GARS1: variants seen among roughly 807,000 people sequenced by gnomAD.
The protein encoded by GARS1 is glycine--tRNA ligase.
In GARS1, 46 loss-of-function variants were observed where a neutral mutation model predicts 86.4. The observed-to-expected ratio is 0.53, with a 90% confidence interval of 0.42 to 0.68. GARS1 has a LOEUF of 0.68. Among genes scored for constraint, GARS1 ranks in the 30% least tolerant of loss-of-function variants. The pLI is 0.00. For synonymous variants in GARS1, 342 were observed against 329.8 expected, an observed-to-expected ratio of 1.04 and a Z score of -0.40; for missense variants, 797 against 915.6, an observed-to-expected ratio of 0.87 and a Z score of 1.67.
chr7:30,611,641 C>T (rs1047546458), intron 7 of GARS1, among the ~76,000 whole-genome samples: 3 of 152,158 alleles, frequency 2.0e-5, no homozygotes, highest in Non-Finnish European at 4.4e-5. Flanking sequence ...TGTGCCACCA[C>T]GCCTGGCTAA....
At chr7:30,612,277 A>G (rs1782772363) in intron 8 of GARS1, 32 bp downstream of exon 8, 2 of 1,603,996 alleles carry the variant, frequency 1.2e-6, no homozygotes. Context: ...CAAATTAGTG[A>G]ATGACCTTGG....
chr7:30,594,785 C>T (rs1022351707), upstream of GARS1: 7 of 724,634 alleles, frequency 9.7e-6, no homozygotes, highest in East Asian at 1.7e-4. Context: ...GGCGACCCGG[C>T]GCCGCGTCAC....
intron 1 of GARS1, among the ~76,000 whole-genome samples, chr7:30,596,230 C>T (rs1791243368): frequency 6.6e-6 from 1 of 152,224 alleles, no homozygotes; most frequent in South Asian, 2.1e-4. Context: ...GCCGCAAATT[C>T]AGCCACTTTG....
chr7:30,632,031 C>G lies in GARS1; in HGVS notation c.1904-216C>G, dbSNP rs1468381975. ...GGCTCTTGGTCCCATATTTGTTCCC[C>G]CTATAGCTGTATCAGATGGAGGTAT... is the stretch of plus-strand genomic sequence containing the variant. On this transcript the variant is annotated intron_variant, in intron 15 of 16. Coordinates refer to ENST00000389266, the MANE Select transcript of GARS1 (RefSeq NM_002047.4). This position sits in a 1 kb window ranked among gnomAD's most constrained non-coding sequence, Gnocchi z 4.1. 3.5e-6 allele frequency: 2 copies of G among 569,752 alleles called. No homozygotes were observed. Among genetic ancestry groups the G allele is most frequent in the East Asian group, 6.4e-5 (2 of 31,118 alleles). The allele number at this position is 569,752 out of a possible 1,614,324, so 35.3% of individuals were successfully genotyped here.
At chr7:30,609,533 T>C (rs1341989435) in intron 6 of GARS1, 52 bp from the exon 7 acceptor site, 1 of 1,481,190 alleles carries the variant, frequency 6.8e-7, no homozygotes, top group Non-Finnish European at 9.4e-7. Context: ...ACTTTATATC[T>C]TATGCCTTGT....
chr7:30,622,213 T>G, intron 11 of GARS1, 104 bp from the exon 12 acceptor site: 1 of 1,366,922 alleles, frequency 7.3e-7, no homozygotes, highest in Non-Finnish European at 1.0e-6. Context: ...GGAGTACTGA[T>G]AGAGAGCTGG....
chr7:30,621,453 C>T lies in GARS1; in HGVS notation c.1420C>T (p.Arg474Ter). The change falls in exon 11 of 17, where the codon CGA becomes TGA. Residue 474 changes from arginine to a stop codon, truncating the protein, a stop_gained. Coordinates refer to ENST00000389266, the MANE Select transcript of GARS1 (RefSeq NM_002047.4). LOFTEE classifies it high-confidence loss of function. Reference sequence around the variant, plus strand: ...CTGTTATGACCTCTCCTGTCATGCACGAGCCACCAAAGTCCCACTTGTAGC... The same window carrying T: ...CTGTTATGACCTCTCCTGTCATGCATGAGCCACCAAAGTCCCACTTGTAGC... ...RSCYDLSCHA[R>*]ATKVPLVAEK... is the part of the protein sequence containing the mutation. 1 of 1,614,088 alleles carries T rather than the reference C, an allele frequency of 6.2e-7. No individual in the cohort carries two copies. The highest frequency in any genetic ancestry group is 8.5e-7 in the Non-Finnish European group (1 of 1,180,010).
intron 1 of GARS1, among the ~76,000 whole-genome samples, chr7:30,598,451 T>C (rs781076923): frequency 8.8e-5 from 13 of 147,200 alleles, no homozygotes; most frequent in Non-Finnish European, 1.6e-4. Flanking sequence ...TGTAGTAGCA[T>C]GATCTTAGCT....
chr7:30,625,236 G>A (rs775282265), intron 12 of GARS1, among the ~76,000 whole-genome samples: 6 of 152,142 alleles, frequency 3.9e-5, no homozygotes, highest in African/African-American at 7.2e-5. Context: ...GAGCCACCTC[G>A]CCTGACCCAA....
rs550669639 is a variant in GARS1 at position 30,624,259 on chromosome 7, A to T, written c.1613+1797A>T. On this transcript the variant is annotated intron_variant, in intron 12 of 16. Coordinates refer to ENST00000389266, the MANE Select transcript of GARS1 (RefSeq NM_002047.4). The stretch of plus-strand genomic sequence containing the variant: ...GGGGCTCTGAGAGTGCATTGCCAGC[A>T]GACCTCCACTATGAGAATTGTTAAA... Among the ~76,000 whole-genome samples the T allele has an allele frequency of 1.2e-4, 18 of 152,352 alleles. 1 individual carries two copies. In the South Asian group the frequency reaches 3.5e-3, roughly 30 times the overall value.
chr7:30,596,575 G>T lies in GARS1; in HGVS notation c.222+1432G>T, dbSNP rs1045143646. On this transcript the variant is annotated intron_variant, in intron 1 of 16. Transcript: ENST00000389266. Reference sequence around the variant, plus strand: ...AATCATCCATCGGTAGTTAAGACAGGATCTAGTTAACTAAAGTAAACTTTG... The same window carrying T: ...AATCATCCATCGGTAGTTAAGACAGTATCTAGTTAACTAAAGTAAACTTTG... Among the ~76,000 whole-genome samples, 6 of 152,182 alleles carry T rather than the reference G, an allele frequency of 3.9e-5. No homozygotes were observed. The East Asian group carries it at 1.2e-3, about 29-fold the overall frequency.
At chr7:30,602,972 A>C (rs1791410428) in intron 4 of GARS1, 62 bp from the exon 5 acceptor site, 1 of 1,072,064 alleles carries the variant, frequency 9.3e-7, no homozygotes, top group South Asian at 1.2e-5. Flanking sequence ...TTATCTTATA[A>C]GGTAATATCT....
chr7:30,601,183 C>A lies in GARS1; in HGVS notation c.552C>A (p.Thr184=), dbSNP rs767204701. The A allele has an allele frequency of 6.2e-7, 1 of 1,613,946 alleles. No individual in the cohort carries two copies. Among genetic ancestry groups the A allele is most frequent in the East Asian group, 2.2e-5 (1 of 44,866 alleles). The change falls in exon 4 of 17, where the codon ACC becomes ACA. Residue 184 remains threonine, a synonymous_variant. Transcript: ENST00000389266. ...TGGAGATCGATTGCACCATGCTCACCCCTGAGCCAGTTTTAAAGTGAGATC... is the reference window on the plus strand; with the variant it reads ...TGGAGATCGATTGCACCATGCTCACACCTGAGCCAGTTTTAAAGTGAGATC... ...QILEIDCTML[T]PEPVLKTSGH... is the part of the protein sequence containing the mutation.
At chr7:30,604,221 A>C (rs1479559426) in intron 6 of GARS1, among the ~76,000 whole-genome samples, 1 of 152,144 alleles carries the variant, frequency 6.6e-6, no homozygotes, top group Admixed American at 6.5e-5. Context: ...TCAAAACTGC[A>C]CGTCTCCCTG....
intron 14 of GARS1, among the ~76,000 whole-genome samples, chr7:30,629,494 G>A (rs1462628873): frequency 6.6e-6 from 1 of 152,146 alleles, no homozygotes; most frequent in Non-Finnish European, 1.5e-5. Flanking sequence ...TGGCTAGAAA[G>A]GAGAGGTTGT....
At chr7:30,617,351 G>C in intron 10 of GARS1, 73 bp downstream of exon 10, 1 of 1,528,374 alleles carries the variant, frequency 6.5e-7, no homozygotes, top group Non-Finnish European at 9.0e-7. Flanking sequence ...ATGAATTTTT[G>C]TGCACTTTAT....
In GARS1 at chr7:30,595,032, C is replaced by G. The variant is rs776477848; in HGVS notation, c.111C>G (p.Ser37Arg). ...CGCTCCTGCTCCGCCGGTCCCTCAG[C>G]GCGGCCTCCTGCCCCCCGATCTCCT... ...RPSLLLRRSL[S>R]AASCPPISLP... The change falls in exon 1 of 17, where the codon AGC becomes AGG. Residue 37 changes from serine (S) to arginine (R), a missense_variant. This residue lies in a region of GARS1 where 199 missense variants were observed against 176.9 expected (regional missense o/e 1.12). Transcript: ENST00000389266. The G allele has an allele frequency of 1.9e-6, 3 of 1,573,608 alleles. No individual in the cohort carries two copies. Among genetic ancestry groups the G allele is most frequent in the African/African-American group, 1.3e-5 (1 of 74,548 alleles).
chr7:30,629,710 T>C (rs958563916), intron 14 of GARS1, among the ~76,000 whole-genome samples: 1 of 152,212 alleles, frequency 6.6e-6, no homozygotes, highest in African/African-American at 2.4e-5. Flanking sequence ...CTCTCTGCCC[T>C]AAAGTTGCAT....
chr7:30,612,088 ATT>A lies in GARS1; in HGVS notation c.882-6_882-5del. On this transcript the variant is annotated splice_polypyrimidine_tract_variant and splice_region_variant and intron_variant, in intron 7 of 16. Transcript: ENST00000389266. ...CTTTGTAACAGACTGACTTACTTAA[ATT>A]TATAGGTACTTGAGACCAGAAACTG... 1 of 1,612,064 alleles carries A rather than the reference ATT, an allele frequency of 6.2e-7. No individual in the cohort carries two copies. Among genetic ancestry groups the A allele is most frequent in the Non-Finnish European group, 8.5e-7 (1 of 1,178,116 alleles).
Sources: gnomAD v4.1 joint callset for allele counts (sites outside exome capture counted in the v4.1 genomes callset) on GRCh38, gnomAD v4.1.1 for gene constraint, gnomAD v4.1.1 regional missense constraint, Gnocchi (gnomAD v3.1) non-coding constraint, MANE v1.5 for transcripts, NCBI Gene and HGNC (gene_info 2026-07-23, HGNC 2026-07-21) for gene names.